The following CSMD1 variants were observed in gnomAD, a reference collection of about 807,000 sequenced individuals.
CSMD1 encodes the protein CUB and sushi domain-containing protein 1.
CSMD1 carries 213 observed loss-of-function variants against 417.5 expected under a neutral mutation model. The ratio of observed to expected loss-of-function variants is 0.51; its 90% CI spans 0.46 to 0.57. The LOEUF (loss-of-function observed/expected upper bound fraction) is 0.57. Ranked by LOEUF, CSMD1 falls within the 20% of genes least tolerant of loss-of-function variation. CSMD1 has a pLI of 0.00. For synonymous variants in CSMD1, 2,862 were observed against 1,736.8 expected, an observed-to-expected ratio of 1.65 and a Z score of -16.11; for missense variants, 6,923 against 4,529.7, an observed-to-expected ratio of 1.53 and a Z score of -15.17.
At chr8:3,306,744 A>G (rs1461274081) in intron 25 of CSMD1, among the ~76,000 whole-genome samples, 4 of 151,898 alleles carry the variant, frequency 2.6e-5, no homozygotes, top group Admixed American at 2.0e-4. Flanking sequence ...AACAAGAACT[A>G]AAAATAAAAC....
chr8:4,064,880 T>G (rs1338770617), intron 3 of CSMD1, among the ~76,000 whole-genome samples: 1 of 152,098 alleles, frequency 6.6e-6, no homozygotes, highest in East Asian at 1.9e-4. Context: ...TGTATCTACA[T>G]GGGTTTCCTC....
chr8:3,135,835 T>A (rs187303531), intron 41 of CSMD1, among the ~76,000 whole-genome samples: 1 of 151,838 alleles, frequency 6.6e-6, no homozygotes, highest in Non-Finnish European at 1.5e-5. Flanking sequence ...GCAATTGCAG[T>A]AGGAGAAGCA....
At chr8:4,606,722 T>C (rs2617103) in intron 2 of CSMD1, among the ~76,000 whole-genome samples, 21,610 of 152,222 alleles carry the variant, frequency 0.14, 1,543 homozygotes, top group African/African-American at 0.16. Context: ...TCCAGTTTGA[T>C]AAAGACCTTT....
intron 1 of CSMD1, among the ~76,000 whole-genome samples, chr8:4,949,152 C>G (rs1378379692): frequency 6.6e-6 from 1 of 151,960 alleles, no homozygotes; most frequent in Non-Finnish European, 1.5e-5. Flanking sequence ...CCTTTGTATT[C>G]TTAGGATAAA....
At chr8:3,497,280 A>C (rs1160763431) in intron 10 of CSMD1, among the ~76,000 whole-genome samples, 1 of 152,148 alleles carries the variant, frequency 6.6e-6, no homozygotes, top group South Asian at 2.1e-4. Flanking sequence ...ATTGGAGTCT[A>C]TCTCTCCCAT....
In CSMD1 at chr8:4,216,469, T is replaced by C. The variant is rs112817387; in HGVS notation, c.416-184370A>G. 1.8e-3 allele frequency among the ~76,000 whole-genome samples: 280 copies of C among 152,316 alleles called. 2 individuals are homozygous for C. Among genetic ancestry groups the C allele is most frequent in the African/African-American group, 6.4e-3 (266 of 41,570 alleles). On this transcript the variant is annotated intron_variant, in intron 3 of 69. Coordinates refer to ENST00000635120, the MANE Select transcript of CSMD1 (RefSeq NM_033225.6). Reference sequence around the variant, plus strand: ...TAAGTAAAGCTTGTTAAATTAGTAATTAGTAAAATTTTACTCATTAATAGA... The same window carrying C: ...TAAGTAAAGCTTGTTAAATTAGTAACTAGTAAAATTTTACTCATTAATAGA...
intron 3 of CSMD1, among the ~76,000 whole-genome samples, chr8:4,156,269 A>G (rs555696595): frequency 2.0e-5 from 3 of 152,116 alleles, no homozygotes; most frequent in Non-Finnish European, 4.4e-5. Flanking sequence ...AATTATGGCT[A>G]AAGAGTTGAT....
chr8:4,021,088 G>A (rs978915152), intron 4 of CSMD1, among the ~76,000 whole-genome samples: 2 of 152,210 alleles, frequency 1.3e-5, no homozygotes, highest in African/African-American at 2.4e-5. Flanking sequence ...CAATAATGAG[G>A]ATAGAGGATA....
At chr8:4,293,057 A>C (rs1322808036) in intron 3 of CSMD1, among the ~76,000 whole-genome samples, 1 of 152,154 alleles carries the variant, frequency 6.6e-6, no homozygotes, top group Non-Finnish European at 1.5e-5. Flanking sequence ...ATTCCACCAG[A>C]GCTGCGTCTG....
chr8:3,879,440 G>A (rs988304805), intron 5 of CSMD1, among the ~76,000 whole-genome samples: 3 of 152,102 alleles, frequency 2.0e-5, no homozygotes, highest in African/African-American at 7.2e-5. Flanking sequence ...TCCGGTCATT[G>A]AGAACAATGT....
chr8:3,419,864 G>A (rs1024368066), intron 12 of CSMD1, among the ~76,000 whole-genome samples: 1 of 152,156 alleles, frequency 6.6e-6, no homozygotes, highest in Non-Finnish European at 1.5e-5. Context: ...AGCAAAGTGA[G>A]TAGAAATATA....
At chr8:3,340,776 A>G (rs551995684) in intron 23 of CSMD1, among the ~76,000 whole-genome samples, 2 of 152,296 alleles carry the variant, frequency 1.3e-5, no homozygotes, top group East Asian at 3.9e-4. Context: ...CCAATTTTCT[A>G]TTACAAATAT....
intron 40 of CSMD1, among the ~76,000 whole-genome samples, chr8:3,144,798 G>T (rs5888948): frequency 0.066 from 5,747 of 86,962 alleles, 188 homozygotes; most frequent in East Asian, 0.16. Flanking sequence ...GCAACAAGGG[G>T]GGGGGGGAGG....
At chr8:4,378,485 C>G (rs189958920) in intron 3 of CSMD1, among the ~76,000 whole-genome samples, 51 of 152,216 alleles carry the variant, frequency 3.4e-4, no homozygotes, top group African/African-American at 1.2e-3. Context: ...GTTTTTATCC[C>G]CTTTATCTCT....
chr8:3,094,590 G>C (rs1815169497), intron 47 of CSMD1, among the ~76,000 whole-genome samples: 1 of 152,150 alleles, frequency 6.6e-6, no homozygotes, highest in African/African-American at 2.4e-5. Context: ...TGGAAACTAA[G>C]TATTCCACCA....
intron 2 of CSMD1, among the ~76,000 whole-genome samples, chr8:4,632,156 G>A (rs1010165991): frequency 6.6e-6 from 1 of 152,162 alleles, no homozygotes; most frequent in African/African-American, 2.4e-5. Context: ...AAGTCACGTT[G>A]GGTTCCGTGC....
At chr8:2,964,698 C>T (rs934443360) in intron 59 of CSMD1, among the ~76,000 whole-genome samples, 2 of 152,202 alleles carry the variant, frequency 1.3e-5, no homozygotes, top group Non-Finnish European at 2.9e-5. Flanking sequence ...TATTTAGCGT[C>T]AGCTATATCA....
chr8:4,794,439 A>C (rs13252930), intron 1 of CSMD1, among the ~76,000 whole-genome samples: 51,076 of 152,026 alleles, frequency 0.34, 9,369 homozygotes, highest in Admixed American at 0.49. Flanking sequence ...CAGCATTTAA[A>C]ACAAAATGGT....
At chr8:4,104,219 G>A (rs757118559) in intron 3 of CSMD1, among the ~76,000 whole-genome samples, 5 of 152,318 alleles carry the variant, frequency 3.3e-5, no homozygotes, top group East Asian at 1.9e-4. Flanking sequence ...GAATGTACGT[G>A]AGTGCGGATA....
Sources: gnomAD v4.1 joint callset for allele counts (sites outside exome capture counted in the v4.1 genomes callset) on GRCh38, gnomAD v4.1.1 for gene constraint, MANE v1.5 for transcripts, NCBI Gene and HGNC (gene_info 2026-07-23, HGNC 2026-07-21) for gene names.